Variants in SERGEF observed in about 807,000 individuals in gnomAD.
SERGEF encodes secretion regulating guanine nucleotide exchange factor.
Under a neutral mutation model 50.0 loss-of-function variants are expected in SERGEF, and 51 were observed. The ratio of observed to expected loss-of-function variants is 1.02; its 90% CI spans 0.81 to 1.29. The LOEUF is 1.29. Among genes scored for constraint, SERGEF ranks in the 50% most tolerant of loss-of-function variants. The pLI is 0.00. For synonymous variants in SERGEF, 205 were observed against 212.4 expected (o/e 0.97, Z 0.30); for missense variants, 521 against 557.0 (o/e 0.94, Z 0.65).
intron 8 of SERGEF, among the ~76,000 whole-genome samples, chr11:17,986,143 G>A (rs772054962): frequency 1.3e-5 from 2 of 152,132 alleles, no homozygotes; most frequent in Non-Finnish European, 2.9e-5. Flanking sequence ...TTCCACTAAT[G>A]AGCTGCTCCT....
In SERGEF at chr11:17,961,375, A is replaced by C. The variant is rs891714425; in HGVS notation, c.845-1739T>G. Among the ~76,000 whole-genome samples the C allele has an allele frequency of 5.9e-5, 9 of 152,300 alleles. No individual in the cohort carries two copies. In the East Asian group the frequency reaches 1.7e-3, roughly 29 times the overall value. Reference sequence around the variant, plus strand: ...CTACCTGAGCTGGCTAGGATTTCTAACCAGATTGCTCAGCAGGAGATTCCC... The same window carrying C: ...CTACCTGAGCTGGCTAGGATTTCTACCCAGATTGCTCAGCAGGAGATTCCC... On this transcript the variant is annotated intron_variant, in intron 8 of 10. Coordinates refer to ENST00000265965, the MANE Select transcript of SERGEF (RefSeq NM_012139.4).
At chr11:17,947,568 C>G (rs979846967) in intron 9 of SERGEF, among the ~76,000 whole-genome samples, 1 of 152,188 alleles carries the variant, frequency 6.6e-6, no homozygotes, top group Non-Finnish European at 1.5e-5. Flanking sequence ...GAAGAATGAG[C>G]TGTTACAGGC....
intron 5 of SERGEF, among the ~76,000 whole-genome samples, chr11:17,999,028 A>C (rs1376150134): frequency 6.6e-6 from 1 of 152,234 alleles, no homozygotes; most frequent in Non-Finnish European, 1.5e-5. Context: ...AAAGGAATGA[A>C]TTACTGATAT....
rs2133907754 is a variant in SERGEF, at chr11:17,888,182, A to G, written c.1012-9938T>C. 6.6e-6 allele frequency among the ~76,000 whole-genome samples: 1 copy of G among 152,292 alleles called. No individual in the cohort carries two copies. The highest frequency in any genetic ancestry group is 2.4e-5 in the African/African-American group (1 of 41,572). Reference sequence around the variant, plus strand: ...CACCTCTTCCAGGAAACCGGCCCCTAGTGCCAAAAAGGTTGGGGACTGCTG... The same window carrying G: ...CACCTCTTCCAGGAAACCGGCCCCTGGTGCCAAAAAGGTTGGGGACTGCTG... On this transcript the variant is annotated intron_variant, in intron 9 of 10. Coordinates refer to ENST00000265965, the MANE Select transcript of SERGEF (RefSeq NM_012139.4). This position sits in a 1 kb window ranked among gnomAD's most constrained non-coding sequence, Gnocchi z 4.1.
intron 9 of SERGEF, among the ~76,000 whole-genome samples, chr11:17,903,801 A>G (rs1328673325): frequency 1.3e-5 from 2 of 152,272 alleles, no homozygotes; most frequent in African/African-American, 4.8e-5. Context: ...AAGCTGCCTG[A>G]GCTTTCTAAC....
At chr11:17,994,138 C>T (rs1170066983) in intron 6 of SERGEF, among the ~76,000 whole-genome samples, 1 of 152,142 alleles carries the variant, frequency 6.6e-6, no homozygotes, top group Non-Finnish European at 1.5e-5. Flanking sequence ...TAACAGTATA[C>T]TGTGCTATCC....
intron 9 of SERGEF, among the ~76,000 whole-genome samples, chr11:17,904,430 G>A (rs1351083032): frequency 1.3e-5 from 2 of 152,218 alleles, no homozygotes; most frequent in East Asian, 1.9e-4. Flanking sequence ...TGGGGCATTC[G>A]ACTATAGCCA....
At chr11:17,886,890 T>A (rs1434780877) in intron 9 of SERGEF, among the ~76,000 whole-genome samples, 1 of 152,148 alleles carries the variant, frequency 6.6e-6, no homozygotes, top group Non-Finnish European at 1.5e-5. Flanking sequence ...CAAACCTAAT[T>A]GGACTATGGA....
chr11:17,976,537 T>C (rs1408476509), intron 8 of SERGEF, among the ~76,000 whole-genome samples: 1 of 149,118 alleles, frequency 6.7e-6, no homozygotes, highest in African/African-American at 2.5e-5. Flanking sequence ...CCTGACCTCG[T>C]GATCCACCCG....
chr11:17,814,225 G>C (rs967292897), intron 10 of SERGEF, among the ~76,000 whole-genome samples: 5 of 152,232 alleles, frequency 3.3e-5, no homozygotes, highest in Non-Finnish European at 1.5e-5. Flanking sequence ...ACATATTACA[G>C]TGAATTGATT....
intron 10 of SERGEF, chr11:17,853,695 A>G (rs1171803631): frequency 6.6e-6 from 1 of 152,198 alleles, no homozygotes; most frequent in African/African-American, 2.4e-5. Context: ...TCGTCCCTAT[A>G]AAAAGGGACC....
At chr11:17,834,461 T>C (rs181815040) in intron 10 of SERGEF, among the ~76,000 whole-genome samples, 3 of 152,338 alleles carry the variant, frequency 2.0e-5, no homozygotes, top group Admixed American at 2.0e-4. Flanking sequence ...CAAAATCCTT[T>C]CCAACTCTAG....
chr11:17,829,601 C>T (rs1850258336), intron 10 of SERGEF, among the ~76,000 whole-genome samples: 1 of 152,096 alleles, frequency 6.6e-6, no homozygotes, highest in Non-Finnish European at 1.5e-5. Context: ...CTGGGGTAAA[C>T]CAGTTGTCAC....
intron 7 of SERGEF, among the ~76,000 whole-genome samples, chr11:17,992,126 C>T (rs1407541792): frequency 6.6e-6 from 1 of 151,724 alleles, no homozygotes; most frequent in South Asian, 2.1e-4. Context: ...AGGATGAATG[C>T]GCAGCCAAAG....
At chr11:17,942,039 G>A (rs748773282) in intron 9 of SERGEF, among the ~76,000 whole-genome samples, 1 of 152,198 alleles carries the variant, frequency 6.6e-6, no homozygotes, top group African/African-American at 2.4e-5. Flanking sequence ...GTCGGGTTAG[G>A]TGGATCTTGC....
chr11:17,831,556 G>A (rs570939414), intron 10 of SERGEF, among the ~76,000 whole-genome samples: 1 of 152,208 alleles, frequency 6.6e-6, no homozygotes, highest in Non-Finnish European at 1.5e-5. Flanking sequence ...CATTTCTGAG[G>A]ACTTAAGAGC....
At chr11:17,809,055 T>G (rs1466750577) in intron 10 of SERGEF, among the ~76,000 whole-genome samples, 1 of 152,178 alleles carries the variant, frequency 6.6e-6, no homozygotes, top group Non-Finnish European at 1.5e-5. Context: ...TTGGTAGATA[T>G]CATAAGGGAT....
At chr11:17,920,072 C>G (rs1852124509) in intron 9 of SERGEF, among the ~76,000 whole-genome samples, 1 of 151,852 alleles carries the variant, frequency 6.6e-6, no homozygotes, top group African/African-American at 2.4e-5. Flanking sequence ...ACGGTGAAAC[C>G]CTGTCTCTAC....
chr11:18,012,722 C>T lies in SERGEF; in HGVS notation c.60+229G>A, dbSNP rs1854222751. On this transcript the variant is annotated intron_variant, in intron 1 of 10. Transcript: ENST00000265965. ...TCCCGCGGCGCCACAGCCCCTCCGG[C>T]CCTGACCCCGCCAGCCGGCAGGCCC... is the stretch of plus-strand genomic sequence containing the variant. The T allele has an allele frequency of 6.1e-6, 8 of 1,309,534 alleles. No individual in the cohort carries two copies. In the South Asian group the frequency reaches 8.7e-5, roughly 14 times the overall value. 81.1% of individuals were successfully genotyped at this position (1,309,534 alleles called of 1,614,324 possible).
Sources: gnomAD v4.1 joint callset for allele counts (sites outside exome capture counted in the v4.1 genomes callset) on GRCh38, gnomAD v4.1.1 for gene constraint, Gnocchi (gnomAD v3.1) non-coding constraint, MANE v1.5 for transcripts, NCBI Gene and HGNC (gene_info 2026-07-23, HGNC 2026-07-21) for gene names.